The following JARID2 variants were observed in gnomAD, a reference collection of about 807,000 sequenced individuals.
The protein encoded by JARID2 is jumonji and AT-rich interaction domain containing 2, also known as protein Jumonji.
A neutral mutation model predicts 125.6 loss-of-function variants in JARID2; 21 were observed. The observed-to-expected ratio is 0.17, with a 90% CI of 0.12 to 0.24. JARID2 has a LOEUF of 0.24. Among genes scored for constraint, JARID2 ranks in the 10% least tolerant of loss-of-function variants. JARID2 has a pLI of 1.00. For synonymous variants in JARID2, 736 were observed against 661.6 expected (o/e 1.11, Z -1.73); for missense variants, 1,303 against 1,639.6 (o/e 0.79, Z 3.55).
Position 15,336,701 on chromosome 6 carries a change from C to A in JARID2, c.46-37416C>A, listed in dbSNP as rs923206221. ...TGGCAGTATACAGTTCTGTACGTTT[C>A]ATGTTATTTTTACATTTGTTTTTAA... is the stretch of plus-strand genomic sequence containing the variant. On this transcript the variant is annotated intron_variant, in intron 1 of 17. Transcript: ENST00000341776. Among the ~76,000 whole-genome samples the A allele has an allele frequency of 2.1e-5, 3 of 144,432 alleles. No individual in the cohort carries two copies. In the Admixed American group the frequency reaches 2.1e-4, roughly 10 times the overall value. 94.8% of individuals were successfully genotyped at this position (144,432 alleles called of 152,430 possible).
chr6:15,341,775 G>A (rs1763077752), intron 1 of JARID2, among the ~76,000 whole-genome samples: 2 of 152,144 alleles, frequency 1.3e-5, no homozygotes, highest in South Asian at 4.1e-4. Context: ...CATAGTATCT[G>A]CATTGATAGA....
In JARID2 at chr6:15,520,521, C is replaced by A; in HGVS notation, c.*270C>A. On this transcript the variant is annotated 3_prime_UTR_variant, in exon 18 of 18. Transcript: ENST00000341776. ...GGGGCTGTATTAATTTGTATTGCCC[C>A]ATGGCTGACAAAAGCCTTTTTTTTT... 1 of 396,106 alleles carries A rather than the reference C, an allele frequency of 2.5e-6. No individual in the cohort carries two copies. 24.5% of individuals were successfully genotyped at this position (396,106 alleles called of 1,614,324 possible).
intron 1 of JARID2, among the ~76,000 whole-genome samples, chr6:15,306,224 C>G (rs1161714330): frequency 6.6e-6 from 1 of 151,704 alleles, no homozygotes; most frequent in Non-Finnish European, 1.5e-5. Flanking sequence ...CCTTTGGTGT[C>G]GAGTTCATCA....
chr6:15,335,939 A>G (rs1166662934), intron 1 of JARID2, among the ~76,000 whole-genome samples: 1 of 152,168 alleles, frequency 6.6e-6, no homozygotes, highest in Non-Finnish European at 1.5e-5. Context: ...ACAAAAAAAT[A>G]GCCAGAGGTG....
At chr6:15,419,436 C>G (rs188747593) in intron 3 of JARID2, among the ~76,000 whole-genome samples, 118 of 152,234 alleles carry the variant, frequency 7.8e-4, no homozygotes, top group African/African-American at 2.4e-3. Flanking sequence ...TTCAAGTTAT[C>G]TACGTAGTTG....
rs72653737 is a variant in JARID2, at chr6:15,277,795, C to A, written c.45+31211C>A. Among the ~76,000 whole-genome samples, 237 of 62,900 alleles carry A rather than the reference C, an allele frequency of 3.8e-3. 1 individual carries two copies. The highest frequency in any genetic ancestry group is 8.6e-3 in the Middle Eastern group (1 of 116). 41.3% of individuals were successfully genotyped at this position (62,900 alleles called of 152,430 possible). A position where few individuals can be genotyped will look rare whatever the true frequency, so the allele number is the denominator to read the frequency against. ...CAAGTCTGCAAAAAAAAAAAAAAAA[C>A]AGTCAAGGATTCCATGTAGTTGCAA... On this transcript the variant is annotated intron_variant, in intron 1 of 17. Coordinates refer to ENST00000341776, the MANE Select transcript of JARID2 (RefSeq NM_004973.4).
chr6:15,335,641 G>T (rs1207336606), intron 1 of JARID2, among the ~76,000 whole-genome samples: 2 of 152,088 alleles, frequency 1.3e-5, no homozygotes, highest in East Asian at 3.9e-4. Flanking sequence ...GGTGTCCCTG[G>T]GGGGTGTCTT....
chr6:15,469,418 C>CTCCGCTTT (rs1311840587), intron 5 of JARID2, among the ~76,000 whole-genome samples: 1 of 110,554 alleles, frequency 9.0e-6, no homozygotes, highest in Admixed American at 1.0e-4. Context: ...CTCTCCGCTT[C>CTCCGCTTT]TCCGCTTTTC....
chr6:15,495,235 G>T (rs879280408), intron 6 of JARID2, among the ~76,000 whole-genome samples: 1 of 152,096 alleles, frequency 6.6e-6, no homozygotes, highest in African/African-American at 2.4e-5. Flanking sequence ...CCCCATTTTC[G>T]CTGACGTTTG....
intron 2 of JARID2, among the ~76,000 whole-genome samples, chr6:15,383,606 A>C (rs1764673621): frequency 6.6e-6 from 1 of 152,038 alleles, no homozygotes; most frequent in African/African-American, 2.4e-5. Context: ...ATTTATATTC[A>C]TATTAATATC....
At chr6:15,506,187 C>T (rs1042887259) in intron 9 of JARID2, among the ~76,000 whole-genome samples, 1 of 152,226 alleles carries the variant, frequency 6.6e-6, no homozygotes, top group Non-Finnish European at 1.5e-5. Context: ...TGGACAGCCC[C>T]TGGAGTTGGC....
intron 1 of JARID2, among the ~76,000 whole-genome samples, chr6:15,314,176 GC>G (rs1211045860): frequency 6.6e-6 from 1 of 152,196 alleles, no homozygotes; most frequent in Non-Finnish European, 1.5e-5. Flanking sequence ...GATCCACTCT[GC>G]AGGTTGCTGT....
intron 1 of JARID2, among the ~76,000 whole-genome samples, chr6:15,360,790 C>G (rs151235449): frequency 0.015 from 2,350 of 152,270 alleles, 32 homozygotes; most frequent in Non-Finnish European, 0.02. Context: ...CAGACATGAG[C>G]CACTGCGCCC....
intron 1 of JARID2, among the ~76,000 whole-genome samples, chr6:15,349,829 T>C (rs1258919066): frequency 1.3e-5 from 2 of 152,216 alleles, no homozygotes; most frequent in Non-Finnish European, 2.9e-5. Flanking sequence ...ACATCATCTC[T>C]TCTAGCTTGA....
intron 1 of JARID2, among the ~76,000 whole-genome samples, chr6:15,295,023 A>C (rs957988048): frequency 1.1e-4 from 16 of 152,174 alleles, no homozygotes; most frequent in African/African-American, 3.1e-4. Flanking sequence ...GAGAGCGATT[A>C]GAAACTGCCT....
chr6:15,277,424 C>T (rs1760568478), intron 1 of JARID2, among the ~76,000 whole-genome samples: 1 of 152,088 alleles, frequency 6.6e-6, no homozygotes, highest in African/African-American at 2.4e-5. Flanking sequence ...GTGCTCTTGG[C>T]CTTAATTGTT....
At position 15,360,385 on chromosome 6, in the gene JARID2, G is replaced by T. The variant is rs1389134275; in HGVS notation, c.46-13732G>T. ...TTTTTTGTAGAGACGGAGTTTCACC[G>T]TGTTGGCCTGGCTGGTCTTCAACTC... On this transcript the variant is annotated intron_variant, in intron 1 of 17. Transcript: ENST00000341776. Among the ~76,000 whole-genome samples the T allele has an allele frequency of 2.0e-5, 3 of 151,956 alleles. No individual in the cohort carries two copies. The South Asian group carries it at 6.2e-4, about 32-fold the overall frequency.
chr6:15,424,024 C>A (rs999330381), intron 3 of JARID2, among the ~76,000 whole-genome samples: 2 of 152,156 alleles, frequency 1.3e-5, no homozygotes, highest in African/African-American at 2.4e-5. Flanking sequence ...CGTTGTTTGG[C>A]CAGTACTTAC....
At chr6:15,339,196 A>G (rs1158196234) in intron 1 of JARID2, among the ~76,000 whole-genome samples, 7 of 152,176 alleles carry the variant, frequency 4.6e-5, no homozygotes, top group South Asian at 2.1e-4. Context: ...GGGCCTCTCA[A>G]TTATACTAAG....
Sources: allele counts gnomAD v4.1 joint callset (sites outside exome capture counted in the v4.1 genomes callset), GRCh38; gene constraint gnomAD v4.1.1; transcripts MANE v1.5; gene names NCBI Gene and HGNC (gene_info 2026-07-23, HGNC 2026-07-21).